Variants in FLI1 observed in about 807,000 individuals in gnomAD.
FLI1 encodes Fli-1 proto-oncogene, ETS transcription factor, also known as Friend leukemia integration 1 transcription factor.
Under a neutral mutation model 53.1 loss-of-function variants are expected in FLI1, and 13 were observed. The observed-to-expected ratio is 0.24, with a 90% CI of 0.16 to 0.39. The LOEUF (loss-of-function observed/expected upper bound fraction) is 0.39. Ranked by LOEUF, FLI1 falls within the 10% of genes least tolerant of loss-of-function variation. The pLI is 1.00. For missense variants in FLI1, 424 were observed against 600.5 expected (o/e 0.71, Z 3.07); for synonymous variants, 244 against 236.7 (o/e 1.03, Z -0.28).
At chr11:128,764,313 A>G (rs1941246761) in intron 2 of FLI1, among the ~76,000 whole-genome samples, 1 of 152,228 alleles carries the variant, frequency 6.6e-6, no homozygotes, top group Admixed American at 6.5e-5. Context: ...AACACACACA[A>G]ACAGAACTCG....
chr11:128,749,940 A>G lies in FLI1; in HGVS notation c.19-8175A>G, dbSNP rs11221457. Among the ~76,000 whole-genome samples, 1,506 of 152,268 alleles carry G rather than the reference A, an allele frequency of 9.9e-3. 32 individuals carry two copies. The highest frequency in any genetic ancestry group is 0.035 in the African/African-American group (1,439 of 41,568). ...TCAGATGAGACTTGGAGTGACCCCA[A>G]CCCAGGCTGATCACCCCCACTGCTG... On this transcript the variant is annotated intron_variant, in intron 1 of 8. Transcript: ENST00000527786.
chr11:128,734,493 G>C (rs1395866692), intron 1 of FLI1, among the ~76,000 whole-genome samples: 1 of 152,238 alleles, frequency 6.6e-6, no homozygotes, highest in African/African-American at 2.4e-5. Flanking sequence ...AAACCACGGT[G>C]GGAGGAAGGA....
intron 1 of FLI1, among the ~76,000 whole-genome samples, chr11:128,715,692 T>A (rs1190610301): frequency 6.6e-6 from 1 of 152,190 alleles, no homozygotes; most frequent in Non-Finnish European, 1.5e-5. Flanking sequence ...CACTGGGGAA[T>A]CTGAGAGATG....
intron 1 of FLI1, among the ~76,000 whole-genome samples, chr11:128,729,108 G>A (rs1242027730): frequency 6.6e-6 from 1 of 152,178 alleles, no homozygotes; most frequent in Non-Finnish European, 1.5e-5. Context: ...CTTCTGCTAG[G>A]CACCTCTGCT....
upstream of FLI1, among the ~76,000 whole-genome samples, chr11:128,690,814 G>C (rs902424020): frequency 1.4e-4 from 22 of 152,198 alleles, no homozygotes; most frequent in African/African-American, 4.8e-4. Context: ...AGCTTCCTTG[G>C]CTGTGAGCTG....
At chr11:128,706,386 C>T (rs150182947) in intron 1 of FLI1, among the ~76,000 whole-genome samples, 1,622 of 152,290 alleles carry the variant, frequency 0.011, 15 homozygotes, top group Non-Finnish European at 0.018. Context: ...TACTGAAAGA[C>T]CTTTAGGCAT....
intron 1 of FLI1, 124 bp downstream of exon 1, chr11:128,694,400 C>A: frequency 1.3e-6 from 1 of 795,112 alleles, no homozygotes; most frequent in Non-Finnish European, 1.7e-6. Flanking sequence ...CGCGCCCCGG[C>A]TTCGCGCCGG....
chr11:128,692,671 G>A (rs1937802689), upstream of FLI1: 1 of 152,142 alleles, frequency 6.6e-6, no homozygotes, highest in African/African-American at 2.4e-5. Flanking sequence ...TCGCCTCTGT[G>A]GACACCCTTT....
intron 1 of FLI1, among the ~76,000 whole-genome samples, chr11:128,704,852 G>A (rs1462355993): frequency 6.6e-6 from 1 of 152,124 alleles, no homozygotes; most frequent in Non-Finnish European, 1.5e-5. Context: ...ATAAAAATGA[G>A]GAAGAACAAT....
intron 1 of FLI1, among the ~76,000 whole-genome samples, chr11:128,755,817 T>C (rs556788837): frequency 6.6e-6 from 1 of 152,322 alleles, no homozygotes; most frequent in Non-Finnish European, 1.5e-5. Flanking sequence ...TTTGAATGTA[T>C]GTCTGGAGGC....
At chr11:128,789,034 G>T (rs1484740284) in intron 5 of FLI1, among the ~76,000 whole-genome samples, 1 of 152,186 alleles carries the variant, frequency 6.6e-6, no homozygotes, top group South Asian at 2.1e-4. Context: ...CTGTGTGGAT[G>T]TCCTTTATGA....
At chr11:128,775,064 A>C (rs999971609) in intron 4 of FLI1, among the ~76,000 whole-genome samples, 2 of 152,234 alleles carry the variant, frequency 1.3e-5, no homozygotes, top group African/African-American at 4.8e-5. Flanking sequence ...GTTTCCCAAA[A>C]GGGACTTATT....
intron 4 of FLI1, among the ~76,000 whole-genome samples, chr11:128,777,416 A>G (rs186019969): frequency 4.6e-5 from 7 of 152,276 alleles, no homozygotes; most frequent in Non-Finnish European, 2.9e-5. Context: ...CCGGGAGACC[A>G]CGGAAAGGGT....
intron 5 of FLI1, among the ~76,000 whole-genome samples, chr11:128,789,152 C>A (rs932737703): frequency 6.6e-6 from 1 of 152,100 alleles, no homozygotes; most frequent in Non-Finnish European, 1.5e-5. Flanking sequence ...AGGAAACCAG[C>A]GTGTTTGTTG....
At chr11:128,769,949 G>A (rs554527432) in intron 3 of FLI1, among the ~76,000 whole-genome samples, 20 of 152,268 alleles carry the variant, frequency 1.3e-4, no homozygotes, top group African/African-American at 4.1e-4. Context: ...GCCTCACTGG[G>A]TCTTCACTCA....
At chr11:128,748,742 G>A (rs1301600359) in intron 1 of FLI1, among the ~76,000 whole-genome samples, 2 of 152,198 alleles carry the variant, frequency 1.3e-5, no homozygotes, top group East Asian at 3.8e-4. Flanking sequence ...AAGTGGAAAC[G>A]GTTTAGGGGA....
intron 2 of FLI1, among the ~76,000 whole-genome samples, chr11:128,762,122 C>T (rs752689639): frequency 2.0e-5 from 3 of 152,198 alleles, no homozygotes; most frequent in Non-Finnish European, 4.4e-5. Context: ...CAGACCCTAT[C>T]ATTTAATTAT....
chr11:128,811,232 C>T lies in FLI1; in HGVS notation c.*244C>T, dbSNP rs1264574819. On this transcript the variant is annotated 3_prime_UTR_variant, in exon 9 of 9. Transcript: ENST00000527786. ...CAGTATGCCAGTTTGAATTCTCAGT[C>T]TCCTAGCATCTTGTGAGTTGCATAT... 6 of 542,740 alleles carry T rather than the reference C, an allele frequency of 1.1e-5. No homozygotes were observed. In the Admixed American group the frequency reaches 1.4e-4, roughly 13 times the overall value. 33.6% of individuals were successfully genotyped at this position (542,740 alleles called of 1,614,324 possible). A position where few individuals can be genotyped will look rare whatever the true frequency, so the allele number is the denominator to read the frequency against.
intron 1 of FLI1, among the ~76,000 whole-genome samples, chr11:128,755,166 G>A (rs1157853572): frequency 6.6e-6 from 1 of 152,126 alleles, no homozygotes; most frequent in Non-Finnish European, 1.5e-5. Context: ...CCCTCCTTAG[G>A]ATAATGATGG....
Sources: allele counts gnomAD v4.1 joint callset (sites outside exome capture counted in the v4.1 genomes callset), GRCh38; gene constraint gnomAD v4.1.1; transcripts MANE v1.5; gene names NCBI Gene and HGNC (gene_info 2026-07-23, HGNC 2026-07-21).